The following GRID2 variants were observed in gnomAD, a reference collection of about 807,000 sequenced individuals.
GRID2 encodes the protein glutamate ionotropic receptor delta type subunit 2, also known as glutamate receptor ionotropic, delta-2.
In GRID2, 33 loss-of-function variants were observed where a neutral mutation model predicts 114.8. The observed-to-expected ratio is 0.29, with a 90% CI of 0.22 to 0.38. The LOEUF (loss-of-function observed/expected upper bound fraction) is 0.38, where lower values mean the gene tolerates loss of function less well. Ranked by LOEUF, GRID2 falls within the 10% of genes least tolerant of loss-of-function variation. The pLI, the probability that GRID2 is intolerant of heterozygous loss-of-function variation, is 1.00. For synonymous variants in GRID2, 505 were observed against 449.9 expected, an observed-to-expected ratio of 1.12 and a Z score of -1.55; for missense variants, 1,184 against 1,257.7, an observed-to-expected ratio of 0.94 and a Z score of 0.89.
intron 1 of GRID2, among the ~76,000 whole-genome samples, chr4:92,426,801 A>G (rs1000130091): frequency 6.6e-6 from 1 of 151,928 alleles, no homozygotes; most frequent in Non-Finnish European, 1.5e-5. Context: ...TCTCTCTTTT[A>G]TTACTATATA....
intron 13 of GRID2, among the ~76,000 whole-genome samples, chr4:93,605,201 A>T (rs1391319604): frequency 6.6e-6 from 1 of 151,272 alleles, no homozygotes; most frequent in Non-Finnish European, 1.5e-5. Flanking sequence ...GCCCCATGTG[A>T]CTAATTTAAA....
chr4:92,713,506 TA>T (rs1735377237), intron 2 of GRID2, among the ~76,000 whole-genome samples: 2 of 135,994 alleles, frequency 1.5e-5, no homozygotes, highest in African/African-American at 5.6e-5. Flanking sequence ...TATATATATA[TA>T]TATATATATA....
intron 13 of GRID2, among the ~76,000 whole-genome samples, chr4:93,520,339 G>GA (rs557186364): frequency 2.1e-4 from 31 of 147,574 alleles, no homozygotes; most frequent in East Asian, 5.9e-4. Flanking sequence ...GGTAAGAATG[G>GA]AAAAAAAAAA....
chr4:92,612,957 C>T (rs1729827829), intron 2 of GRID2, among the ~76,000 whole-genome samples: 1 of 151,228 alleles, frequency 6.6e-6, no homozygotes, highest in African/African-American at 2.4e-5. Flanking sequence ...ACCTCCAGAA[C>T]AATGGTGAAT....
intron 14 of GRID2, among the ~76,000 whole-genome samples, chr4:93,677,620 C>T (rs899452867): frequency 2.0e-5 from 3 of 152,108 alleles, no homozygotes; most frequent in Non-Finnish European, 1.5e-5. Flanking sequence ...ATTCGCAGTT[C>T]ATGAAAATCC....
At chr4:92,642,872 A>G (rs543823932) in intron 2 of GRID2, among the ~76,000 whole-genome samples, 1 of 151,688 alleles carries the variant, frequency 6.6e-6, no homozygotes, top group East Asian at 1.9e-4. Flanking sequence ...ATTCTTCTGC[A>G]TGCTTGTTTA....
Position 93,706,708 on chromosome 4 carries a change from T to C in GRID2, c.2361-62502T>C, listed in dbSNP as rs553380479. On this transcript the variant is annotated intron_variant, in intron 14 of 15. Coordinates refer to ENST00000282020, the MANE Select transcript of GRID2 (RefSeq NM_001510.4). ...TTGCAATTTGGATGCCCTGTATTTCTTTCTGTTGCCTGATTGCTCTAGCAA... is the reference window on the plus strand; with the variant it reads ...TTGCAATTTGGATGCCCTGTATTTCCTTCTGTTGCCTGATTGCTCTAGCAA... Among the ~76,000 whole-genome samples the C allele has an allele frequency of 2.7e-3, 405 of 152,304 alleles. 4 individuals are homozygous for C. The highest frequency in any genetic ancestry group is 9.3e-3 in the African/African-American group (387 of 41,570).
intron 13 of GRID2, among the ~76,000 whole-genome samples, chr4:93,541,020 T>C (rs1732598286): frequency 6.6e-6 from 1 of 152,178 alleles, no homozygotes; most frequent in South Asian, 2.1e-4. Context: ...CCTAGCATCA[T>C]TTAAAGTTCC....
intron 2 of GRID2, among the ~76,000 whole-genome samples, chr4:92,847,104 G>A (rs748142443): frequency 1.3e-5 from 2 of 152,058 alleles, no homozygotes; most frequent in Non-Finnish European, 2.9e-5. Context: ...TTTAAGAAAT[G>A]GAATATGTTG....
chr4:92,810,329 T>G (rs1171079932), intron 2 of GRID2, among the ~76,000 whole-genome samples: 1 of 151,918 alleles, frequency 6.6e-6, no homozygotes, highest in Admixed American at 6.6e-5. Flanking sequence ...GATATTTTCA[T>G]TTTTGGGAAT....
chr4:92,809,876 A>C (rs1740588278), intron 2 of GRID2, among the ~76,000 whole-genome samples: 1 of 151,996 alleles, frequency 6.6e-6, no homozygotes, highest in Non-Finnish European at 1.5e-5. Context: ...TTATATCACC[A>C]GGTGTAGTGA....
intron 10 of GRID2, among the ~76,000 whole-genome samples, chr4:93,449,964 A>C (rs1580119789): frequency 6.6e-6 from 1 of 152,030 alleles, no homozygotes; most frequent in Non-Finnish European, 1.5e-5. Context: ...CTTCAATTGC[A>C]TAAGACTTTG....
chr4:92,615,590 A>G (rs938306910), intron 2 of GRID2, among the ~76,000 whole-genome samples: 1 of 151,584 alleles, frequency 6.6e-6, no homozygotes, highest in Admixed American at 6.6e-5. Flanking sequence ...GCCATTTACT[A>G]TAGGTGTTTA....
chr4:92,671,051 G>A (rs1038407575), intron 2 of GRID2, among the ~76,000 whole-genome samples: 3 of 152,062 alleles, frequency 2.0e-5, no homozygotes, highest in African/African-American at 4.8e-5. Context: ...AGAACTACCT[G>A]AGGCTGCATA....
chr4:92,939,336 T>A (rs543899183), intron 2 of GRID2, among the ~76,000 whole-genome samples: 2 of 147,974 alleles, frequency 1.4e-5, no homozygotes, highest in South Asian at 4.5e-4. Flanking sequence ...CATTTTTTCA[T>A]GTGTCTGTTG....
chr4:92,528,831 A>T (rs2149147544), intron 1 of GRID2, among the ~76,000 whole-genome samples: 1 of 151,906 alleles, frequency 6.6e-6, no homozygotes, highest in East Asian at 1.9e-4. Context: ...AAAAAAAAAA[A>T]AAAAAAAAAA....
intron 14 of GRID2, among the ~76,000 whole-genome samples, chr4:93,708,008 CTT>C (rs2110158495): frequency 6.6e-6 from 1 of 151,886 alleles, no homozygotes; most frequent in East Asian, 1.9e-4. Context: ...TTCAAAATTT[CTT>C]TTGTTATTGA....
chr4:92,749,561 C>A (rs1737338752), intron 2 of GRID2, among the ~76,000 whole-genome samples: 1 of 152,124 alleles, frequency 6.6e-6, no homozygotes, highest in South Asian at 2.1e-4. Flanking sequence ...GATCCGCCCG[C>A]CTCGGCCTCC....
At position 92,895,105 on chromosome 4, in the gene GRID2, G is replaced by C. The variant is rs182925860; in HGVS notation, c.245-189890G>C. Reference sequence around the variant, plus strand: ...TTAATACTGTGGTTAATGAGAATTGGCTGGGGACATTTTCTGTCTTTTCCA... The same window carrying C: ...TTAATACTGTGGTTAATGAGAATTGCCTGGGGACATTTTCTGTCTTTTCCA... On this transcript the variant is annotated intron_variant, in intron 2 of 15. Coordinates refer to ENST00000282020, the MANE Select transcript of GRID2 (RefSeq NM_001510.4). 3.3e-4 allele frequency among the ~76,000 whole-genome samples: 50 copies of C among 151,982 alleles called. No homozygotes were observed. In the East Asian group the frequency reaches 9.7e-3, roughly 29 times the overall value.
Sources: allele counts gnomAD v4.1 joint callset (sites outside exome capture counted in the v4.1 genomes callset), GRCh38; gene constraint gnomAD v4.1.1; transcripts MANE v1.5; gene names NCBI Gene and HGNC (gene_info 2026-07-23, HGNC 2026-07-21).